The following MPDZ variants were observed in gnomAD, a reference collection of about 807,000 sequenced individuals.
MPDZ encodes the protein multiple PDZ domain protein.
A neutral mutation model predicts 239.1 loss-of-function variants in MPDZ; 234 were observed. The ratio of observed to expected loss-of-function variants is 0.98; its 90% CI spans 0.88 to 1.09. MPDZ has a LOEUF of 1.09. Among genes scored for constraint, MPDZ ranks in the 50% least tolerant of loss-of-function variants. The pLI is 0.00. For missense variants in MPDZ, 3,175 were observed against 2,510.0 expected, an observed-to-expected ratio of 1.26 and a Z score of -5.66; for synonymous variants, 1,048 against 881.3, an observed-to-expected ratio of 1.19 and a Z score of -3.35.
intron 1 of MPDZ, chr9:13,278,912 C>T (rs973352553): frequency 9.8e-5 from 15 of 152,296 alleles, no homozygotes; most frequent in African/African-American, 3.6e-4. Context: ...GAGCAACAGG[C>T]TCCCGCGCCC....
intron 36 of MPDZ, 32 bp downstream of exon 36, chr9:13,123,121 C>A (rs1285126488): frequency 6.3e-7 from 1 of 1,583,274 alleles, no homozygotes; most frequent in South Asian, 1.2e-5. Flanking sequence ...TGAAGGACGG[C>A]CTGTACAGAA....
At chr9:13,188,530 T>C (rs1192882960) in intron 17 of MPDZ, among the ~76,000 whole-genome samples, 1 of 151,928 alleles carries the variant, frequency 6.6e-6, no homozygotes, top group Non-Finnish European at 1.5e-5. Context: ...AATCAATCAA[T>C]CAATCAATGT....
chr9:13,277,197 C>T (rs1293522340), intron 1 of MPDZ, among the ~76,000 whole-genome samples: 2 of 152,052 alleles, frequency 1.3e-5, no homozygotes, highest in Non-Finnish European at 2.9e-5. Context: ...CTAAAGATCC[C>T]TCCCTTTCCA....
At chr9:13,109,718 A>G (rs568579529) in intron 45 of MPDZ, among the ~76,000 whole-genome samples, 9 of 152,324 alleles carry the variant, frequency 5.9e-5, no homozygotes, top group African/African-American at 1.9e-4. Flanking sequence ...TGGGAAGGGT[A>G]GTAGCACGCA....
intron 45 of MPDZ, among the ~76,000 whole-genome samples, chr9:13,109,380 G>GCTAAA (rs1942033118): frequency 6.6e-6 from 1 of 152,094 alleles, no homozygotes; most frequent in Admixed American, 6.5e-5. Context: ...AAGTGAGAGG[G>GCTAAA]CTAAAGTTCA....
chr9:13,193,445 A>C, intron 13 of MPDZ, 132 bp from the exon 14 acceptor site: 2 of 994,656 alleles, frequency 2.0e-6, no homozygotes, highest in Non-Finnish European at 1.4e-6. Flanking sequence ...CATATTGTAA[A>C]ACTGCAAAGC....
intron 23 of MPDZ, among the ~76,000 whole-genome samples, chr9:13,159,845 C>T (rs748240867): frequency 6.6e-6 from 1 of 152,130 alleles, no homozygotes; most frequent in Non-Finnish European, 1.5e-5. Flanking sequence ...TTATTGTTTA[C>T]TCATCTTAGT....
intron 3 of MPDZ, among the ~76,000 whole-genome samples, chr9:13,234,533 T>C (rs1963426066): frequency 6.6e-6 from 1 of 152,120 alleles, no homozygotes; most frequent in Admixed American, 6.5e-5. Flanking sequence ...TTATTCTCAA[T>C]ACACAGTATA....
intron 32 of MPDZ, among the ~76,000 whole-genome samples, chr9:13,127,004 CAT>C (rs1945220510): frequency 6.6e-6 from 1 of 152,170 alleles, no homozygotes; most frequent in South Asian, 2.1e-4. Flanking sequence ...TCACTCTTCC[CAT>C]ATGTCTGACA....
In MPDZ at chr9:13,169,908, C is replaced by A. The variant is rs538879948; in HGVS notation, c.3056-1344G>T. On this transcript the variant is annotated intron_variant, in intron 21 of 46. Coordinates refer to ENST00000319217, the MANE Select transcript of MPDZ (RefSeq NM_001378778.1). ...CTTTCTGCAGCTCTTGCACAGCTAA[C>A]TCCCTCTCACTCTTCAATATCACTT... 2.0e-5 allele frequency among the ~76,000 whole-genome samples: 3 copies of A among 152,276 alleles called. No homozygotes were observed. The South Asian group carries it at 6.2e-4, about 32-fold the overall frequency.
intron 40 of MPDZ, 114 bp from the exon 41 acceptor site, chr9:13,114,135 T>A (rs1942976615): frequency 1.2e-6 from 1 of 805,016 alleles, no homozygotes; most frequent in Non-Finnish European, 2.0e-6. Flanking sequence ...CAGTGGCATT[T>A]GATAATTTGA....
At chr9:13,148,272 T>C (rs1366551756) in intron 25 of MPDZ, among the ~76,000 whole-genome samples, 1 of 152,072 alleles carries the variant, frequency 6.6e-6, no homozygotes, top group Non-Finnish European at 1.5e-5. Context: ...ATTTTGTAAA[T>C]TTTATTGATC....
At chr9:13,118,187 T>G (rs1325848040) in intron 39 of MPDZ, among the ~76,000 whole-genome samples, 1 of 152,186 alleles carries the variant, frequency 6.6e-6, no homozygotes, top group African/African-American at 2.4e-5. Flanking sequence ...ATTTACATTG[T>G]TTTATGGATG....
intron 1 of MPDZ, among the ~76,000 whole-genome samples, chr9:13,260,863 T>C (rs1455278028): frequency 6.6e-6 from 1 of 152,274 alleles, no homozygotes; most frequent in African/African-American, 2.4e-5. Context: ...GGTTTACACC[T>C]TTCTAAACAA....
chr9:13,247,789 G>T lies in MPDZ; in HGVS notation c.29C>A (p.Ala10Asp). 1 of 1,604,870 alleles carries T rather than the reference G, an allele frequency of 6.2e-7. No individual in the cohort carries two copies. Among genetic ancestry groups the T allele is most frequent in the Admixed American group, 1.7e-5 (1 of 59,892 alleles). Residue 10 changes from alanine (A) to aspartate (D), a missense_variant, in exon 3 of 47, where the codon GCC (alanine) becomes GAC (aspartate). Transcript: ENST00000319217. ...TTGCAAGCGCTCTGCTGCATGCAGG[G>T]CCCGATTTTTGTCTATACCAAAGAG... MLEAIDKNR[A>D]LHAAERLQTK... is the part of the protein sequence containing the mutation.
At position 13,112,943 on chromosome 9, in the gene MPDZ, C is replaced by T; in HGVS notation, c.5601+68G>A. On this transcript the variant is annotated intron_variant, in intron 42 of 46. Coordinates refer to ENST00000319217, the MANE Select transcript of MPDZ (RefSeq NM_001378778.1). Reference sequence around the variant, plus strand: ...TACTTTAAAACCGTAAGAAAGTTAACAAGAAAACACATATGAAGATGTCTC... The same window carrying T: ...TACTTTAAAACCGTAAGAAAGTTAATAAGAAAACACATATGAAGATGTCTC... The T allele has an allele frequency of 3.6e-6, 5 of 1,397,816 alleles. No individual in the cohort carries two copies. In the South Asian group the frequency reaches 6.4e-5, roughly 18 times the overall value. 86.6% of individuals were successfully genotyped at this position (1,397,816 alleles called of 1,614,324 possible). A position where few individuals can be genotyped will look rare whatever the true frequency, so the allele number is the denominator to read the frequency against.
At chr9:13,188,516 A>C (rs1380343929) in intron 17 of MPDZ, among the ~76,000 whole-genome samples, 1 of 151,442 alleles carries the variant, frequency 6.6e-6, no homozygotes, top group African/African-American at 2.4e-5. Context: ...AGGCTCCATC[A>C]ATCAATCAAT....
chr9:13,111,304 C>A (rs1942428891), intron 43 of MPDZ, among the ~76,000 whole-genome samples: 1 of 152,196 alleles, frequency 6.6e-6, no homozygotes, highest in Non-Finnish European at 1.5e-5. Flanking sequence ...AGTTTACTGA[C>A]CCTGTGCTAT....
At chr9:13,174,945 A>G (rs1201418343) in intron 21 of MPDZ, among the ~76,000 whole-genome samples, 2 of 152,128 alleles carry the variant, frequency 1.3e-5, no homozygotes, top group Non-Finnish European at 2.9e-5. Context: ...AAAACTTAAC[A>G]AGGAAACAAG....
Sources: allele counts gnomAD v4.1 joint callset (sites outside exome capture counted in the v4.1 genomes callset), GRCh38; gene constraint gnomAD v4.1.1; transcripts MANE v1.5; gene names NCBI Gene and HGNC (gene_info 2026-07-23, HGNC 2026-07-21).